Variants in KAZN observed in about 807,000 individuals in gnomAD.
KAZN encodes kazrin.
A neutral mutation model predicts 87.4 loss-of-function variants in KAZN; 40 were observed. That is an observed-to-expected ratio of 0.46 (90% CI 0.36 to 0.60). The LOEUF (loss-of-function observed/expected upper bound fraction) is 0.60, where lower values mean the gene tolerates loss of function less well. KAZN is among the 20% of genes least tolerant of loss of function. The pLI is 0.00. For missense variants in KAZN, 898 were observed against 1,073.9 expected (o/e 0.84, Z 2.29); for synonymous variants, 466 against 458.3 (o/e 1.02, Z -0.22).
At chr1:14,940,242 T>A (rs1026484336) in intron 1 of KAZN, among the ~76,000 whole-genome samples, 1 of 152,240 alleles carries the variant, frequency 6.6e-6, no homozygotes, top group African/African-American at 2.4e-5. Context: ...AGTGCAGTTG[T>A]TCCCCTTGAG....
intron 2 of KAZN, among the ~76,000 whole-genome samples, chr1:14,489,631 G>T (rs1350385106): frequency 6.6e-6 from 1 of 151,832 alleles, no homozygotes; most frequent in Non-Finnish European, 1.5e-5. Context: ...CTACTTGGGA[G>T]GCTGGGGCAG....
intron 1 of KAZN, among the ~76,000 whole-genome samples, chr1:14,850,532 A>G (rs1408009602): frequency 6.6e-6 from 1 of 152,216 alleles, no homozygotes; most frequent in Non-Finnish European, 1.5e-5. Flanking sequence ...TACTCAGATA[A>G]TAAGTACAGC....
chr1:14,835,884 A>T (rs555238815), intron 1 of KAZN, among the ~76,000 whole-genome samples: 2 of 150,860 alleles, frequency 1.3e-5, no homozygotes, highest in East Asian at 3.9e-4. Context: ...AATGTGTAAC[A>T]CTCCAATTTT....
chr1:14,465,657 C>T (rs1257842154), intron 2 of KAZN, among the ~76,000 whole-genome samples: 1 of 152,106 alleles, frequency 6.6e-6, no homozygotes, highest in Non-Finnish European at 1.5e-5. Context: ...GTTGGCCAAA[C>T]AAGTCACTGA....
At chr1:14,126,065 G>C (rs1220087648) in intron 1 of KAZN, among the ~76,000 whole-genome samples, 3 of 152,088 alleles carry the variant, frequency 2.0e-5, no homozygotes, top group South Asian at 4.1e-4. Flanking sequence ...AAGCACTGAG[G>C]GTTTCAGACT....
intron 1 of KAZN, among the ~76,000 whole-genome samples, chr1:14,772,985 T>C (rs1325881989): frequency 6.6e-6 from 1 of 152,008 alleles, no homozygotes; most frequent in Non-Finnish European, 1.5e-5. Context: ...CTCTCTTCCA[T>C]GGTTCCCCAC....
intron 1 of KAZN, among the ~76,000 whole-genome samples, chr1:14,936,122 A>G (rs777813946): frequency 2.0e-5 from 3 of 152,244 alleles, no homozygotes; most frequent in Non-Finnish European, 4.4e-5. Flanking sequence ...GGTGACGGGC[A>G]GAACATCAAC....
rs181636684 is a variant in KAZN, at chr1:14,257,867, G to A, written c.249+77275G>A. ...TAGATGACACGTTAGTGGGTGCAGCGCACCAGCATGGCACATGTATACATA... is the reference window on the plus strand; with the variant it reads ...TAGATGACACGTTAGTGGGTGCAGCACACCAGCATGGCACATGTATACATA... On this transcript the variant is annotated intron_variant, in intron 2 of 16. Transcript: ENST00000636203. Among the ~76,000 whole-genome samples, 1,236 of 138,312 alleles carry A rather than the reference G, an allele frequency of 8.9e-3. 47 individuals are homozygous for A. The highest frequency in any genetic ancestry group is 0.068 in the Admixed American group (852 of 12,492). 90.7% of individuals were successfully genotyped at this position (138,312 alleles called of 152,430 possible). A position where few individuals can be genotyped will look rare whatever the true frequency, so the allele number is the denominator to read the frequency against.
At chr1:15,054,982 G>A (rs1369297761) in intron 4 of KAZN, among the ~76,000 whole-genome samples, 1 of 152,252 alleles carries the variant, frequency 6.6e-6, no homozygotes, top group South Asian at 2.1e-4. Context: ...TAGTCGTGTA[G>A]GCTGATCGTG....
intron 2 of KAZN, among the ~76,000 whole-genome samples, chr1:14,252,500 C>T (rs990516655): frequency 1.3e-5 from 2 of 152,150 alleles, no homozygotes; most frequent in African/African-American, 4.8e-5. Flanking sequence ...ACCCCAGGAC[C>T]TTTCCTCATG....
chr1:14,054,780 T>C (rs1490202448), intron 1 of KAZN, among the ~76,000 whole-genome samples: 1 of 152,218 alleles, frequency 6.6e-6, no homozygotes, highest in Non-Finnish European at 1.5e-5. Context: ...TATTGAGTTG[T>C]AGGTCATGCG....
intron 2 of KAZN, among the ~76,000 whole-genome samples, chr1:14,378,604 A>C (rs7511708): frequency 0.26 from 39,246 of 152,094 alleles, 6,010 homozygotes; most frequent in African/African-American, 0.44. Flanking sequence ...CAATTATGAG[A>C]CATTGCATTG....
At chr1:13,930,724 G>A (rs1303956304) in intron 1 of KAZN, among the ~76,000 whole-genome samples, 2 of 152,226 alleles carry the variant, frequency 1.3e-5, no homozygotes, top group African/African-American at 2.4e-5. Flanking sequence ...TTTTACCAAG[G>A]TAGGAACCTT....
At chr1:14,745,803 A>G (rs1238734367) in intron 1 of KAZN, among the ~76,000 whole-genome samples, 1 of 152,196 alleles carries the variant, frequency 6.6e-6, no homozygotes, top group African/African-American at 2.4e-5. Flanking sequence ...TTTAACCCTC[A>G]GGATAAATAT....
At chr1:15,108,372 G>A (rs918898843) in intron 13 of KAZN, among the ~76,000 whole-genome samples, 2 of 152,204 alleles carry the variant, frequency 1.3e-5, no homozygotes. Flanking sequence ...TGTGCAATGG[G>A]ACCCAGCGGG....
chr1:13,935,252 G>GTAATAA (rs138811922), intron 1 of KAZN, among the ~76,000 whole-genome samples: 28,286 of 147,018 alleles, frequency 0.19, 3,018 homozygotes, highest in South Asian at 0.34. Flanking sequence ...AGTAGTAGTA[G>GTAATAA]TAATAATAAT....
intron 2 of KAZN, among the ~76,000 whole-genome samples, chr1:14,442,124 G>A (rs889668330): frequency 1.3e-5 from 2 of 152,198 alleles, no homozygotes; most frequent in Admixed American, 6.5e-5. Context: ...ACCAGATGAG[G>A]TTCTGACAAT....
chr1:15,064,055 G>A (rs1639032875), intron 7 of KAZN, among the ~76,000 whole-genome samples: 2 of 152,246 alleles, frequency 1.3e-5, no homozygotes, highest in Non-Finnish European at 2.9e-5. Context: ...CTGGCAGCCA[G>A]CTCTATAAAA....
At chr1:15,013,952 C>T (rs551463316) in intron 2 of KAZN, among the ~76,000 whole-genome samples, 6 of 152,146 alleles carry the variant, frequency 3.9e-5, no homozygotes, top group Admixed American at 1.3e-4. Context: ...CTCTGCAGTT[C>T]GGAAATTCTT....
Sources: allele counts gnomAD v4.1 joint callset (sites outside exome capture counted in the v4.1 genomes callset), GRCh38; gene constraint gnomAD v4.1.1; transcripts MANE v1.5; gene names NCBI Gene and HGNC (gene_info 2026-07-23, HGNC 2026-07-21).